The following FTCDNL1 variants were observed in gnomAD, a reference collection of about 807,000 sequenced individuals.
FTCDNL1 encodes the protein formiminotransferase cyclodeaminase N-terminal like.
In FTCDNL1, 11 loss-of-function variants were observed where a neutral mutation model predicts 5.9. The observed-to-expected ratio is 1.87, with a 90% CI of 1.18 to 3.10. The LOEUF is 3.10. Among genes scored for constraint, FTCDNL1 ranks in the 30% most tolerant of loss-of-function variants. The pLI is 0.00. For missense variants in FTCDNL1, 115 were observed against 65.5 expected, an observed-to-expected ratio of 1.76 and a Z score of -2.61; for synonymous variants, 58 against 24.8, an observed-to-expected ratio of 2.34 and a Z score of -3.99.
Position 199,810,221 on chromosome 2 carries a change from C to A in FTCDNL1, c.*2484G>T, listed in dbSNP as rs1700959932. Among the ~76,000 whole-genome samples, 1 of 152,108 alleles carries A rather than the reference C, an allele frequency of 6.6e-6. No homozygotes were observed. The highest frequency in any genetic ancestry group is 2.4e-5 in the African/African-American group (1 of 41,416). On this transcript the variant is annotated 3_prime_UTR_variant, in exon 5 of 5. Coordinates refer to ENST00000420128, the MANE Select transcript of FTCDNL1 (RefSeq NM_001363886.2). Reference sequence around the variant, plus strand: ...GTCTCAGAGACAGGAGTAAATCACACCTCTGTACCCACCACTCCCTCTCTC... The same window carrying A: ...GTCTCAGAGACAGGAGTAAATCACAACTCTGTACCCACCACTCCCTCTCTC...
chr2:199,754,756 G>A, the FTCDNL1 span, among the ~76,000 whole-genome samples: 6 of 152,194 alleles, frequency 3.9e-5, no homozygotes, highest in African/African-American at 9.6e-5. Context: ...TCATGACTGC[G>A]CCTTGCAGTT....
At chr2:199,718,486 T>A in the FTCDNL1 span, among the ~76,000 whole-genome samples, 1 of 152,220 alleles carries the variant, frequency 6.6e-6, no homozygotes, top group Non-Finnish European at 1.5e-5. Context: ...GTCTTCACTC[T>A]TGTAAATAGT....
rs144260860 is a variant in FTCDNL1 at position 199,777,404 on chromosome 2, G to C, written c.212-16569C>G. On this transcript the variant is annotated intron_variant, in intron 3 of 3. Transcript: ENST00000416668. ...ACCAGTAGGCTGGAGACCCAGTGAA[G>C]AGTTGATGCTGCAGCTCAAATCTGA... Among the ~76,000 whole-genome samples, 46 of 152,328 alleles carry C rather than the reference G, an allele frequency of 3.0e-4. No individual in the cohort carries two copies. In the East Asian group the frequency reaches 7.9e-3, roughly 26 times the overall value.
At chr2:199,672,168 C>T in the FTCDNL1 span, among the ~76,000 whole-genome samples, 3 of 152,166 alleles carry the variant, frequency 2.0e-5, no homozygotes, top group African/African-American at 7.2e-5. Flanking sequence ...ACCCTTGCTC[C>T]TTCTCTATCC....
chr2:199,802,983 A>C (rs1700534081), intron 3 of FTCDNL1, among the ~76,000 whole-genome samples: 1 of 152,126 alleles, frequency 6.6e-6, no homozygotes, highest in Non-Finnish European at 1.5e-5. Context: ...CAGGAATTCA[A>C]GACCAGCCTG....
chr2:199,748,458 T>C, the FTCDNL1 span, among the ~76,000 whole-genome samples: 1 of 152,176 alleles, frequency 6.6e-6, no homozygotes, highest in African/African-American at 2.4e-5. Context: ...CCTGTATTCC[T>C]GCCTTAGTTA....
chr2:199,702,319 C>T, the FTCDNL1 span, among the ~76,000 whole-genome samples: 1 of 152,082 alleles, frequency 6.6e-6, no homozygotes, highest in African/African-American at 2.4e-5. Flanking sequence ...AATATTTCCA[C>T]CAAAGTCTTA....
At chr2:199,673,566 A>G in the FTCDNL1 span, among the ~76,000 whole-genome samples, 31 of 152,292 alleles carry the variant, frequency 2.0e-4, no homozygotes, top group African/African-American at 6.7e-4. Flanking sequence ...GCATGTACTA[A>G]AACAATTGGA....
the FTCDNL1 span, among the ~76,000 whole-genome samples, chr2:199,734,177 T>A: frequency 6.6e-6 from 1 of 152,176 alleles, no homozygotes; most frequent in Admixed American, 6.5e-5. Context: ...GGAAGGCAGG[T>A]CTGGAAAGCA....
chr2:199,729,112 G>GCATCTCAT, the FTCDNL1 span, among the ~76,000 whole-genome samples: 1 of 152,122 alleles, frequency 6.6e-6, no homozygotes, highest in Admixed American at 6.6e-5. Flanking sequence ...ATGAGATGAC[G>GCATCTCAT]GAATACATGA....
chr2:199,675,109 G>A, the FTCDNL1 span, among the ~76,000 whole-genome samples: 13 of 152,036 alleles, frequency 8.6e-5, no homozygotes, highest in South Asian at 2.1e-4. Context: ...TCGACATTTC[G>A]TGCTTTCTCA....
the FTCDNL1 span, among the ~76,000 whole-genome samples, chr2:199,701,581 G>A: frequency 6.6e-6 from 1 of 152,120 alleles, no homozygotes; most frequent in Non-Finnish European, 1.5e-5. Context: ...ATGGTGGACT[G>A]GATAAAGGAA....
chr2:199,834,156 G>A (rs934898960), intron 3 of FTCDNL1, among the ~76,000 whole-genome samples: 1 of 152,082 alleles, frequency 6.6e-6, no homozygotes, highest in Non-Finnish European at 1.5e-5. Context: ...ATAAAAAGGG[G>A]AAATTGGGAC....
At chr2:199,791,172 C>T (rs1343492490) in intron 3 of FTCDNL1, among the ~76,000 whole-genome samples, 2 of 151,916 alleles carry the variant, frequency 1.3e-5, no homozygotes, top group African/African-American at 2.4e-5. Flanking sequence ...AAAAATCCTG[C>T]TTTATTTTTG....
the FTCDNL1 span, among the ~76,000 whole-genome samples, chr2:199,754,732 G>A: frequency 6.6e-6 from 1 of 152,078 alleles, no homozygotes; most frequent in Non-Finnish European, 1.5e-5. Flanking sequence ...TCACAGATTG[G>A]GGGCTTCGGA....
intron 3 of FTCDNL1, among the ~76,000 whole-genome samples, chr2:199,824,621 C>T (rs566423641): frequency 6.6e-6 from 1 of 152,262 alleles, no homozygotes; most frequent in South Asian, 2.1e-4. Context: ...TGAGACTATT[C>T]CTTTCACTTG....
intron 3 of FTCDNL1, among the ~76,000 whole-genome samples, chr2:199,793,071 T>C (rs952201678): frequency 2.6e-5 from 4 of 152,152 alleles, no homozygotes; most frequent in African/African-American, 9.7e-5. Context: ...TCTCTCTTCA[T>C]TTGCCTACAA....
At chr2:199,831,963 A>T (rs1702400963) in intron 3 of FTCDNL1, among the ~76,000 whole-genome samples, 2 of 152,174 alleles carry the variant, frequency 1.3e-5, no homozygotes. Flanking sequence ...ACAGAAAAAT[A>T]ATGTGCCCTC....
intron 3 of FTCDNL1, among the ~76,000 whole-genome samples, chr2:199,842,454 C>T (rs1253710797): frequency 6.6e-6 from 1 of 152,134 alleles, no homozygotes; most frequent in Non-Finnish European, 1.5e-5. Context: ...TCACTGTTCC[C>T]TTTATTCTAA....
Sources: allele counts gnomAD v4.1 joint callset (sites outside exome capture counted in the v4.1 genomes callset), GRCh38; gene constraint gnomAD v4.1.1; transcripts MANE v1.5; gene names NCBI Gene and HGNC (gene_info 2026-07-23, HGNC 2026-07-21).